Variants in ROBO2 observed in about 807,000 individuals in gnomAD.
The protein encoded by ROBO2 is roundabout homolog 2.
ROBO2 carries 53 observed loss-of-function variants against 160.8 expected under a neutral mutation model. The observed-to-expected ratio is 0.33, with a 90% CI of 0.26 to 0.41. The LOEUF is 0.41. ROBO2 is among the 10% of genes least tolerant of loss of function. The pLI is 1.00. For missense variants in ROBO2, 1,577 were observed against 1,722.4 expected (o/e 0.92, Z 1.49); for synonymous variants, 664 against 611.7 (o/e 1.09, Z -1.26).
intron 2 of ROBO2, among the ~76,000 whole-genome samples, chr3:76,246,485 T>G (rs568542878): frequency 6.6e-6 from 1 of 152,292 alleles, no homozygotes; most frequent in African/African-American, 2.4e-5. Context: ...AACTTTTTCC[T>G]GCATTTTTGT....
chr3:77,584,158 C>G (rs1207907350), intron 16 of ROBO2, among the ~76,000 whole-genome samples: 5 of 152,064 alleles, frequency 3.3e-5, no homozygotes, highest in Admixed American at 3.3e-4. Context: ...TCATATGGTT[C>G]TCCTCTCTAT....
intron 2 of ROBO2, among the ~76,000 whole-genome samples, chr3:76,292,862 A>C (rs1256432915): frequency 3.3e-5 from 5 of 152,062 alleles, no homozygotes; most frequent in African/African-American, 1.2e-4. Context: ...ATCTCATTGT[A>C]GTGATCTTAT....
chr3:77,113,616 G>T (rs1005485604), intron 2 of ROBO2, among the ~76,000 whole-genome samples: 1 of 152,146 alleles, frequency 6.6e-6, no homozygotes, highest in African/African-American at 2.4e-5. Context: ...ACATGCAAAT[G>T]AACTGTTCTA....
At chr3:77,080,693 C>T (rs1308915593) in intron 1 of ROBO2, among the ~76,000 whole-genome samples, 1 of 152,184 alleles carries the variant, frequency 6.6e-6, no homozygotes, top group African/African-American at 2.4e-5. Flanking sequence ...CTCTCTTCAG[C>T]TGAGCTAGCT....
chr3:75,914,533 G>A (rs1434813900), intron 1 of ROBO2, among the ~76,000 whole-genome samples: 1 of 152,108 alleles, frequency 6.6e-6, no homozygotes, highest in Non-Finnish European at 1.5e-5. Flanking sequence ...GTCGAAGAAA[G>A]TATAATTTTT....
chr3:76,018,880 G>T (rs1402929418), intron 2 of ROBO2, among the ~76,000 whole-genome samples: 1 of 151,936 alleles, frequency 6.6e-6, no homozygotes, highest in African/African-American at 2.4e-5. Context: ...GCTAATATTT[G>T]CATTATGGCC....
Position 75,937,568 on chromosome 3 carries a change from G to GT in ROBO2, c.79dup (p.Trp27LeufsTer34). 1 of 1,567,510 alleles carries GT rather than the reference G, an allele frequency of 6.4e-7. No individual in the cohort carries two copies. Among genetic ancestry groups the GT allele is most frequent in the Non-Finnish European group, 8.6e-7 (1 of 1,162,142 alleles). ...CGGGACTGTTGATGATGACTGTGGT[G>GT]TTTTGGGGTCATCAGGGGAATGGAC... On this transcript the variant is annotated frameshift_variant, in exon 2 of 27. Transcript: ENST00000487694. LOFTEE classifies it high-confidence loss of function.
At chr3:77,013,628 T>C (rs1559845048) in intron 2 of ROBO2, among the ~76,000 whole-genome samples, 1 of 151,954 alleles carries the variant, frequency 6.6e-6, no homozygotes, top group Non-Finnish European at 1.5e-5. Context: ...TAATGTGGTA[T>C]GTCTATATCC....
intron 2 of ROBO2, among the ~76,000 whole-genome samples, chr3:75,995,926 G>A (rs1407645341): frequency 6.6e-6 from 1 of 151,922 alleles, no homozygotes. Context: ...CTTTTGTTTT[G>A]GCCAATTTCT....
At chr3:76,146,777 A>C (rs1381699320) in intron 2 of ROBO2, among the ~76,000 whole-genome samples, 3 of 106,344 alleles carry the variant, frequency 2.8e-5, no homozygotes, top group Non-Finnish European at 6.4e-5. Context: ...GAATTCTATC[A>C]TTACCACAGA....
chr3:76,883,787 T>A (rs1301635956), intron 2 of ROBO2, among the ~76,000 whole-genome samples: 2 of 152,228 alleles, frequency 1.3e-5, no homozygotes, highest in Admixed American at 1.3e-4. Flanking sequence ...GTGGAATTTG[T>A]GCTGGAACTT....
At chr3:77,503,136 G>A (rs2087868239) in intron 5 of ROBO2, among the ~76,000 whole-genome samples, 1 of 151,848 alleles carries the variant, frequency 6.6e-6, no homozygotes, top group South Asian at 2.1e-4. Flanking sequence ...CATTCTCTAC[G>A]ATGTGCTTAT....
intron 2 of ROBO2, among the ~76,000 whole-genome samples, chr3:76,629,198 G>A (rs1186128788): frequency 6.6e-6 from 1 of 152,160 alleles, no homozygotes; most frequent in Admixed American, 6.5e-5. Context: ...TGTAAGGAGG[G>A]TGAGAGTAAA....
chr3:76,434,777 G>A (rs146366241), intron 2 of ROBO2: 182 of 1,268,094 alleles, frequency 1.4e-4, no homozygotes, highest in African/African-American at 1.3e-3. Context: ...CCCTGTTTGC[G>A]CAGATTAATC....
chr3:76,455,689 A>G (rs1464140993), intron 2 of ROBO2, among the ~76,000 whole-genome samples: 1 of 152,170 alleles, frequency 6.6e-6, no homozygotes, highest in African/African-American at 2.4e-5. Flanking sequence ...TTTATTGACC[A>G]GTTCTACTTT....
At chr3:76,174,589 A>G (rs1409708133) in intron 2 of ROBO2, among the ~76,000 whole-genome samples, 1 of 152,176 alleles carries the variant, frequency 6.6e-6, no homozygotes, top group African/African-American at 2.4e-5. Flanking sequence ...ATGGCTAGTC[A>G]GTTTTCCCAG....
chr3:77,468,755 A>G (rs536298650), intron 2 of ROBO2, among the ~76,000 whole-genome samples: 44 of 152,310 alleles, frequency 2.9e-4, no homozygotes, highest in Non-Finnish European at 5.3e-4. Flanking sequence ...TTTATTCAAC[A>G]TGCTCCAATT....
intron 2 of ROBO2, among the ~76,000 whole-genome samples, chr3:76,261,695 C>T (rs1706777452): frequency 1.3e-5 from 2 of 151,898 alleles, no homozygotes; most frequent in African/African-American, 4.8e-5. Flanking sequence ...TAAATAAGCC[C>T]TCTCCTCATC....
At chr3:76,263,188 C>G (rs1204501251) in intron 2 of ROBO2, among the ~76,000 whole-genome samples, 2 of 152,078 alleles carry the variant, frequency 1.3e-5, no homozygotes, top group African/African-American at 2.4e-5. Context: ...AAATTTCACA[C>G]AGTTGCAAAA....
Sources: gnomAD v4.1 joint callset for allele counts (sites outside exome capture counted in the v4.1 genomes callset) on GRCh38, gnomAD v4.1.1 for gene constraint, MANE v1.5 for transcripts, NCBI Gene and HGNC (gene_info 2026-07-23, HGNC 2026-07-21) for gene names.